GRAMD1C: variants seen among roughly 807,000 people sequenced by gnomAD.
The protein encoded by GRAMD1C is protein Aster-C.
Under a neutral mutation model 97.8 loss-of-function variants are expected in GRAMD1C, and 89 were observed. The ratio of observed to expected loss-of-function variants is 0.91; its 90% CI spans 0.77 to 1.09. GRAMD1C has a LOEUF of 1.09. Ranked by LOEUF, GRAMD1C falls within the 50% of genes least tolerant of loss-of-function variation. The probability of loss-of-function intolerance (pLI) is 0.00; values close to 1 mark genes in which losing one functional copy is unlikely to be tolerated. For synonymous variants in GRAMD1C, 256 were observed against 267.0 expected, an observed-to-expected ratio of 0.96 and a Z score of 0.40; for missense variants, 740 against 766.4, an observed-to-expected ratio of 0.97 and a Z score of 0.41.
intron 10 of GRAMD1C, among the ~76,000 whole-genome samples, chr3:113,924,135 G>T: frequency 1.5e-5 from 2 of 130,130 alleles, no homozygotes; most frequent in African/African-American, 2.8e-5. Context: ...TGTTCCTTTT[G>T]TCATTTCTGA....
intron 10 of GRAMD1C, chr3:113,919,394 C>G (rs539959792): frequency 9.8e-6 from 5 of 507,914 alleles, no homozygotes; most frequent in African/African-American, 2.0e-5. Flanking sequence ...CTTTAAGCAA[C>G]CTGGATAGAG....
intron 6 of GRAMD1C, chr3:113,890,574 C>A: frequency 1.8e-6 from 1 of 552,656 alleles, no homozygotes; most frequent in South Asian, 2.7e-5. Flanking sequence ...CTAGCACTGG[C>A]TGAAAACTCC....
Position 113,869,629 on chromosome 3 carries a change from C to T in GRAMD1C, c.259+38C>T, listed in dbSNP as rs1305523154. ...TTTTCAAAAAAAAGTTTTATTACCT[C>T]ATTATAAAAAGAAAACTGATAAGTG... is the stretch of plus-strand genomic sequence containing the variant. On this transcript the variant is annotated intron_variant, in intron 3 of 17. Coordinates refer to ENST00000358160, the MANE Select transcript of GRAMD1C (RefSeq NM_017577.5). 3.4e-6 allele frequency: 3 copies of T among 879,230 alleles called. No individual in the cohort carries two copies. The African/African-American group carries it at 5.1e-5, about 15-fold the overall frequency. 54.5% of individuals were successfully genotyped at this position (879,230 alleles called of 1,614,324 possible).
intron 7 of GRAMD1C, 77 bp downstream of exon 7, chr3:113,901,223 C>G (rs1936159938): frequency 2.5e-6 from 2 of 790,306 alleles, no homozygotes; most frequent in African/African-American, 3.4e-5. Context: ...TCGACTAATT[C>G]TGAATTTCTA....
intron 2 of GRAMD1C, among the ~76,000 whole-genome samples, chr3:113,851,405 T>C (rs1933897448): frequency 6.6e-6 from 1 of 152,238 alleles, no homozygotes; most frequent in East Asian, 1.9e-4. Context: ...GTTTTAAGAA[T>C]AAACAGATTT....
chr3:113,837,480 C>T (rs1487779841), upstream of GRAMD1C, among the ~76,000 whole-genome samples: 1 of 152,186 alleles, frequency 6.6e-6, no homozygotes, highest in Non-Finnish European at 1.5e-5. Flanking sequence ...TCAATCAATA[C>T]ATGTAAGATT....
intron 6 of GRAMD1C, among the ~76,000 whole-genome samples, chr3:113,886,732 T>C (rs1023570394): frequency 4.0e-4 from 59 of 149,312 alleles, no homozygotes; most frequent in African/African-American, 1.4e-3. Flanking sequence ...AATAGAAAAA[T>C]AGACAATTCA....
chr3:113,890,796 C>A (rs1418212140), intron 6 of GRAMD1C: 1 of 692,598 alleles, frequency 1.4e-6, no homozygotes, highest in East Asian at 2.7e-5. Context: ...ACAAATATCT[C>A]CAGGGAAGTG....
At chr3:113,873,693 AT>A (rs1233153948) in intron 3 of GRAMD1C, among the ~76,000 whole-genome samples, 1 of 151,852 alleles carries the variant, frequency 6.6e-6, no homozygotes, top group Admixed American at 6.6e-5. Flanking sequence ...TAATTTTTGT[AT>A]TTTTAGTAGA....
intron 5 of GRAMD1C, among the ~76,000 whole-genome samples, chr3:113,877,658 A>G (rs1935097126): frequency 6.6e-6 from 1 of 152,192 alleles, no homozygotes; most frequent in South Asian, 2.1e-4. Context: ...ATCCTATCAG[A>G]TGGCACATGA....
At chr3:113,888,754 G>A (rs542269597) in intron 6 of GRAMD1C, among the ~76,000 whole-genome samples, 1 of 152,298 alleles carries the variant, frequency 6.6e-6, no homozygotes, top group East Asian at 1.9e-4. Flanking sequence ...AAATGATGCA[G>A]CCACTTTGAA....
At position 113,940,301 on chromosome 3, in the gene GRAMD1C, C is replaced by G. The variant is rs138939818; in HGVS notation, c.1864C>G (p.Arg622Gly). Residue 622 changes from arginine to glycine, a missense_variant, in exon 17 of 18, where the codon CGT becomes GGT. Physicochemically the swap from Arg to Gly is moderately radical, Grantham distance 125. Coordinates refer to ENST00000358160, the MANE Select transcript of GRAMD1C (RefSeq NM_017577.5). ...TCAGAAGAATAAAGATCAGGCCCAT[C>G]GTTTAAAGGGAGTGCTCCGAGACTC... ...TIQKNKDQAH[R>G]LKGVLRDSIV... The G allele has an allele frequency of 1.5e-5, 24 of 1,609,914 alleles. No individual in the cohort carries two copies. In the African/African-American group the frequency reaches 2.5e-4, roughly 17 times the overall value.
At position 113,838,860 on chromosome 3, in the gene GRAMD1C, G is replaced by C; in HGVS notation, c.-50G>C. ...GCGCGCTGGAGGTGGGCGCGGGGCGGTGCGGTGCGGTGCGCGCGGGGCGGT... is the reference window on the plus strand; with the variant it reads ...GCGCGCTGGAGGTGGGCGCGGGGCGCTGCGGTGCGGTGCGCGCGGGGCGGT... On this transcript the variant is annotated 5_prime_UTR_variant, in exon 1 of 18. Transcript: ENST00000358160. 8.3e-7 allele frequency: 1 copy of C among 1,208,734 alleles called. No homozygotes were observed. Among genetic ancestry groups the C allele is most frequent in the Non-Finnish European group, 1.0e-6 (1 of 967,272 alleles). 74.9% of individuals were successfully genotyped at this position (1,208,734 alleles called of 1,614,324 possible).
At chr3:113,929,816 C>G (rs1937345826) in intron 10 of GRAMD1C, among the ~76,000 whole-genome samples, 1 of 152,086 alleles carries the variant, frequency 6.6e-6, no homozygotes, top group African/African-American at 2.4e-5. Context: ...GTAAAATTGG[C>G]TGTATTCTAA....
chr3:113,923,977 G>A (rs960447820), intron 10 of GRAMD1C, among the ~76,000 whole-genome samples: 2 of 151,726 alleles, frequency 1.3e-5, no homozygotes, highest in Non-Finnish European at 2.9e-5. Flanking sequence ...GTCTGTGCGG[G>A]GTTTTAATTT....
intron 10 of GRAMD1C, chr3:113,920,345 A>G: frequency 2.9e-6 from 1 of 350,682 alleles, no homozygotes; most frequent in Non-Finnish European, 5.2e-6. Flanking sequence ...ACAGTGCTGC[A>G]TTTATTTTAC....
intron 6 of GRAMD1C, among the ~76,000 whole-genome samples, chr3:113,894,235 G>C (rs1257631579): frequency 3.3e-5 from 5 of 151,874 alleles, no homozygotes; most frequent in African/African-American, 4.8e-5. Flanking sequence ...TAGGATTACA[G>C]ATATTATAAT....
chr3:113,837,559 C>A (rs1172181540), upstream of GRAMD1C, among the ~76,000 whole-genome samples: 2 of 152,116 alleles, frequency 1.3e-5, no homozygotes, highest in Non-Finnish European at 2.9e-5. Context: ...GTCATTGGTA[C>A]ATAAAAAAAT....
upstream of GRAMD1C, among the ~76,000 whole-genome samples, chr3:113,834,042 G>T (rs1383769099): frequency 6.6e-6 from 1 of 152,074 alleles, no homozygotes. Context: ...ATTCTTCTAG[G>T]AATAACTTTG....
Sources: allele counts gnomAD v4.1 joint callset (sites outside exome capture counted in the v4.1 genomes callset), GRCh38; gene constraint gnomAD v4.1.1; transcripts MANE v1.5; gene names NCBI Gene and HGNC (gene_info 2026-07-23, HGNC 2026-07-21).